Variants in DPP10 observed in about 807,000 individuals in gnomAD.
DPP10 encodes dipeptidyl peptidase like 10.
In DPP10, 33 loss-of-function variants were observed where a neutral mutation model predicts 120.9. The ratio of observed to expected loss-of-function variants is 0.27; its 90% CI spans 0.21 to 0.37. DPP10 has a LOEUF of 0.37. DPP10 is among the 10% of genes least tolerant of loss of function. DPP10 has a pLI of 1.00. For missense variants in DPP10, 816 were observed against 942.8 expected, an observed-to-expected ratio of 0.87 and a Z score of 1.76; for synonymous variants, 337 against 326.1, an observed-to-expected ratio of 1.03 and a Z score of -0.36.
intron 4 of DPP10, among the ~76,000 whole-genome samples, chr2:115,505,270 TATAAC>T (rs1339891767): frequency 6.6e-6 from 1 of 151,908 alleles, no homozygotes; most frequent in Non-Finnish European, 1.5e-5. Flanking sequence ...TTAAAAATAA[TATAAC>T]TAAATTGTTT....
chr2:115,667,526 T>C (rs576610449), intron 5 of DPP10, among the ~76,000 whole-genome samples: 1 of 152,286 alleles, frequency 6.6e-6, no homozygotes, highest in African/African-American at 2.4e-5. Flanking sequence ...TTGTATGTGG[T>C]AAAGAAAGGG....
intron 16 of DPP10, among the ~76,000 whole-genome samples, chr2:115,781,610 A>T (rs1677299615): frequency 6.6e-6 from 1 of 151,926 alleles, no homozygotes; most frequent in South Asian, 2.1e-4. Context: ...TAATATGAAG[A>T]GTTGAGTGCT....
intron 1 of DPP10, among the ~76,000 whole-genome samples, chr2:114,991,601 A>C (rs1216396418): frequency 6.6e-6 from 1 of 152,246 alleles, no homozygotes; most frequent in Non-Finnish European, 1.5e-5. Flanking sequence ...TGTTATTAGC[A>C]AGCATTAGAA....
At chr2:114,788,935 T>A (rs1683007596) in intron 1 of DPP10, among the ~76,000 whole-genome samples, 1 of 152,122 alleles carries the variant, frequency 6.6e-6, no homozygotes, top group African/African-American at 2.4e-5. Flanking sequence ...GGGTCATTCC[T>A]GAGGATAATA....
chr2:114,579,489 A>C (rs1489279345), intron 1 of DPP10, among the ~76,000 whole-genome samples: 1 of 152,236 alleles, frequency 6.6e-6, no homozygotes, highest in African/African-American at 2.4e-5. Context: ...ATCTAGATTC[A>C]GAGTTTAGAA....
At chr2:114,543,334 C>A (rs1444601507) in intron 1 of DPP10, among the ~76,000 whole-genome samples, 3 of 152,162 alleles carry the variant, frequency 2.0e-5, no homozygotes, top group Admixed American at 6.5e-5. Context: ...TGCCAAGGGG[C>A]TAATTTCCAA....
intron 1 of DPP10, among the ~76,000 whole-genome samples, chr2:115,012,906 AT>A: frequency 6.6e-6 from 1 of 152,326 alleles, no homozygotes; most frequent in Non-Finnish European, 1.5e-5. Flanking sequence ...TCAAACTTAA[AT>A]CAAAAACATG....
At chr2:114,662,644 G>C (rs1697519410) in intron 1 of DPP10, among the ~76,000 whole-genome samples, 1 of 152,184 alleles carries the variant, frequency 6.6e-6, no homozygotes, top group Non-Finnish European at 1.5e-5. Flanking sequence ...TCCACGGAGA[G>C]AGCACCCCAG....
intron 1 of DPP10, among the ~76,000 whole-genome samples, chr2:114,501,514 G>A (rs1426868359): frequency 1.3e-5 from 2 of 152,168 alleles, no homozygotes; most frequent in Admixed American, 6.6e-5. Flanking sequence ...TAAAAAATCT[G>A]CCATGTTCTA....
intron 1 of DPP10, among the ~76,000 whole-genome samples, chr2:114,799,905 T>G (rs929303439): frequency 3.9e-5 from 6 of 152,200 alleles, no homozygotes; most frequent in African/African-American, 1.4e-4. Context: ...CATTCTTCAT[T>G]TAATATAATT....
chr2:115,526,703 C>T (rs895553864), intron 5 of DPP10, among the ~76,000 whole-genome samples: 1 of 151,966 alleles, frequency 6.6e-6, no homozygotes, highest in Non-Finnish European at 1.5e-5. Flanking sequence ...AGCTTTAAGA[C>T]GAACAATAAA....
chr2:114,748,070 C>A (rs1227395675), intron 1 of DPP10, among the ~76,000 whole-genome samples: 1 of 152,038 alleles, frequency 6.6e-6, no homozygotes, highest in Non-Finnish European at 1.5e-5. Flanking sequence ...TAGAAACTTG[C>A]ACATTTTATC....
intron 5 of DPP10, among the ~76,000 whole-genome samples, chr2:115,667,843 C>A (rs1248932101): frequency 2.6e-5 from 4 of 151,654 alleles, no homozygotes; most frequent in Middle Eastern, 3.4e-3. Flanking sequence ...ATATTATATT[C>A]TTTTATTTCA....
chr2:115,808,113 C>T (rs1451451894), intron 19 of DPP10, among the ~76,000 whole-genome samples: 1 of 152,150 alleles, frequency 6.6e-6, no homozygotes, highest in Non-Finnish European at 1.5e-5. Flanking sequence ...AAGTGCCAGA[C>T]ACGTGTTCGA....
intron 15 of DPP10, 113 bp from the exon 16 acceptor site, chr2:115,780,761 A>T (rs1189767992): frequency 1.0e-6 from 1 of 969,202 alleles, no homozygotes; most frequent in East Asian, 2.7e-5. Context: ...GTGAACCTCT[A>T]TGCAAGCACC....
At chr2:114,966,105 T>TC (rs1305818517) in intron 1 of DPP10, among the ~76,000 whole-genome samples, 1 of 151,284 alleles carries the variant, frequency 6.6e-6, no homozygotes, top group Admixed American at 6.6e-5. Flanking sequence ...ACAGAAGATA[T>TC]CCCGGGGACA....
chr2:115,722,008 A>C (rs1336260607), intron 7 of DPP10, among the ~76,000 whole-genome samples: 3 of 152,190 alleles, frequency 2.0e-5, no homozygotes, highest in Non-Finnish European at 4.4e-5. Flanking sequence ...CAGAAAGACA[A>C]ATACTGCATG....
chr2:115,056,320 G>A (rs1484654190), intron 1 of DPP10, among the ~76,000 whole-genome samples: 3 of 152,086 alleles, frequency 2.0e-5, no homozygotes, highest in Non-Finnish European at 4.4e-5. Flanking sequence ...TGTAGGGTCT[G>A]GTAAACATGG....
chr2:114,615,943 A>C (rs1693642443), intron 1 of DPP10, among the ~76,000 whole-genome samples: 1 of 152,170 alleles, frequency 6.6e-6, no homozygotes, highest in African/African-American at 2.4e-5. Flanking sequence ...AATGGTAATT[A>C]TAATATAATG....
Sources: allele counts gnomAD v4.1 joint callset (sites outside exome capture counted in the v4.1 genomes callset), GRCh38; gene constraint gnomAD v4.1.1; transcripts MANE v1.5; gene names NCBI Gene and HGNC (gene_info 2026-07-23, HGNC 2026-07-21).